Variants in KCTD3 observed in about 807,000 individuals in gnomAD.
KCTD3 encodes the protein BTB/POZ domain-containing protein KCTD3.
Under a neutral mutation model 85.8 loss-of-function variants are expected in KCTD3, and 41 were observed. The observed-to-expected ratio is 0.48, with a 90% CI of 0.37 to 0.62. KCTD3 has a LOEUF of 0.62. Among genes scored for constraint, KCTD3 ranks in the 20% least tolerant of loss-of-function variants. The probability of loss-of-function intolerance (pLI) is 0.00; values close to 1 mark genes in which losing one functional copy is unlikely to be tolerated. For missense variants in KCTD3, 724 were observed against 989.9 expected (o/e 0.73, Z 3.60); for synonymous variants, 338 against 345.4 (o/e 0.98, Z 0.24).
chr1:215,573,469 A>C (rs1282031177), intron 1 of KCTD3, among the ~76,000 whole-genome samples: 1 of 152,134 alleles, frequency 6.6e-6, no homozygotes, highest in African/African-American at 2.4e-5. Context: ...TGAATGTTAT[A>C]CTGAGAAGTT....
intron 14 of KCTD3, among the ~76,000 whole-genome samples, chr1:215,611,089 TAAAC>T (rs1655216974): frequency 1.3e-5 from 2 of 152,054 alleles, no homozygotes; most frequent in Admixed American, 6.5e-5. Flanking sequence ...GTTTAAGTTT[TAAAC>T]AAAAACTTTT....
chr1:215,595,963 C>T (rs909402168), intron 10 of KCTD3, among the ~76,000 whole-genome samples: 1 of 152,106 alleles, frequency 6.6e-6, no homozygotes, highest in South Asian at 2.1e-4. Flanking sequence ...AGAAAGATAA[C>T]AGTGGTTGCT....
In KCTD3 at chr1:215,570,340, A is replaced by G. The variant is rs1659313840; in HGVS notation, c.83+2572A>G. Among the ~76,000 whole-genome samples, 5 of 152,162 alleles carry G rather than the reference A, an allele frequency of 3.3e-5. No homozygotes were observed. The South Asian group carries it at 1.0e-3, about 32-fold the overall frequency. ...ATACTTTGTGGGTGATTCAGAAAGT[A>G]GAGTAGATGAAGTTTCATTTAGAAT... is the stretch of plus-strand genomic sequence containing the variant. On this transcript the variant is annotated intron_variant, in intron 1 of 17. Transcript: ENST00000259154.
intron 3 of KCTD3, among the ~76,000 whole-genome samples, chr1:215,575,178 G>T (rs939567351): frequency 2.0e-5 from 3 of 152,110 alleles, no homozygotes; most frequent in Non-Finnish European, 4.4e-5. Context: ...CTTGAACTTA[G>T]GAGGTGGAGG....
intron 7 of KCTD3, 145 bp from the exon 8 acceptor site, chr1:215,579,763 GC>G: frequency 1.7e-6 from 1 of 592,770 alleles, no homozygotes; most frequent in Non-Finnish European, 3.0e-6. Context: ...CTCCCAAAGT[GC>G]TGGGATTACA....
At position 215,611,828 on chromosome 1, in the gene KCTD3, C is replaced by T; in HGVS notation, c.1469C>T (p.Pro490Leu). ...ACATTTTTGTTTTCTGATCAAGGACCTTTTGGAGAGCGAGACGATCAACAG... is the reference window on the plus strand; with the variant it reads ...ACATTTTTGTTTTCTGATCAAGGACTTTTTGGAGAGCGAGACGATCAACAG... ...GSYSSGNDIG[P>L]FGERDDQQVF... The change falls in exon 15 of 18, where the codon CCT becomes CTT. Residue 490 changes from proline to leucine, a missense_variant. Pro to Leu is a moderately conservative substitution (Grantham distance 98). Coordinates refer to ENST00000259154, the MANE Select transcript of KCTD3 (RefSeq NM_016121.5). 6.3e-7 allele frequency: 1 copy of T among 1,596,218 alleles called. No individual in the cohort carries two copies. Among genetic ancestry groups the T allele is most frequent in the Non-Finnish European group, 8.6e-7 (1 of 1,169,320 alleles).
chr1:215,603,818 G>A (rs1454948242), intron 12 of KCTD3, among the ~76,000 whole-genome samples: 2 of 152,138 alleles, frequency 1.3e-5, no homozygotes, highest in African/African-American at 2.4e-5. Context: ...TGTCAATAAG[G>A]AATAGAAGTA....
Position 215,601,885 on chromosome 1 carries a change from A to G in KCTD3, c.952A>G (p.Ile318Val), listed in dbSNP as rs369942900. The change falls in exon 11 of 18, where the codon ATA (isoleucine) becomes GTA (valine). Residue 318 changes from isoleucine to valine, a missense_variant. This residue lies in a region of KCTD3 where 146 missense variants were observed against 320.3 expected (regional missense o/e 0.46). Coordinates refer to ENST00000259154, the MANE Select transcript of KCTD3 (RefSeq NM_016121.5). ...ACATCAGGTTCAAGATGTTGTTCCTATAACTAGTTATGACACTGCTGGATC... is the reference window on the plus strand; with the variant it reads ...ACATCAGGTTCAAGATGTTGTTCCTGTAACTAGTTATGACACTGCTGGATC... ...QHWQVQDVVP[I>V]TSYDTAGSFL... The G allele has an allele frequency of 6.6e-5, 104 of 1,585,848 alleles. No homozygotes were observed. The highest frequency in any genetic ancestry group is 8.1e-5 in the Non-Finnish European group (94 of 1,155,394).
intron 4 of KCTD3, among the ~76,000 whole-genome samples, chr1:215,576,505 G>A (rs1179620123): frequency 1.3e-5 from 2 of 152,070 alleles, no homozygotes; most frequent in African/African-American, 2.4e-5. Flanking sequence ...GAGGCCGGGA[G>A]TTTGAGGCTG....
At chr1:215,611,986 AT>A in intron 15 of KCTD3, 65 bp downstream of exon 15, 1 of 1,027,524 alleles carries the variant, frequency 9.7e-7, no homozygotes, top group Non-Finnish European at 1.5e-6. Context: ...AACATATGGC[AT>A]AATTTGACAT....
chr1:215,586,301 C>T (rs1423298512), intron 8 of KCTD3, among the ~76,000 whole-genome samples, 194 bp from the exon 9 acceptor site: 1 of 152,002 alleles, frequency 6.6e-6, no homozygotes, highest in East Asian at 1.9e-4. Flanking sequence ...GTATACAATA[C>T]CCCAAGGATA....
Position 215,591,645 on chromosome 1 carries a change from C to T in KCTD3, c.818-3711C>T, listed in dbSNP as rs182653384. Among the ~76,000 whole-genome samples the T allele has an allele frequency of 1.8e-3, 280 of 152,200 alleles. 3 individuals are homozygous for T. Among genetic ancestry groups the T allele is most frequent in the African/African-American group, 6.2e-3 (256 of 41,536 alleles). ...CTGGGATTACAGGCGTGAGCCACCG[C>T]GCCCGGCCAGCAGCCTTTCTTTCCT... On this transcript the variant is annotated intron_variant, in intron 9 of 17. Coordinates refer to ENST00000259154, the MANE Select transcript of KCTD3 (RefSeq NM_016121.5).
At chr1:215,597,969 A>G (rs1654671981) in intron 10 of KCTD3, among the ~76,000 whole-genome samples, 1 of 152,070 alleles carries the variant, frequency 6.6e-6, no homozygotes, top group African/African-American at 2.4e-5. Context: ...ATAGTAAGAA[A>G]TATGAGATAC....
At chr1:215,603,153 T>G (rs1351457472) in intron 12 of KCTD3, among the ~76,000 whole-genome samples, 1 of 152,172 alleles carries the variant, frequency 6.6e-6, no homozygotes, top group Non-Finnish European at 1.5e-5. Context: ...CTGTGGATTT[T>G]TTTTTTAAAT....
At chr1:215,600,269 C>CAGG (rs1276275003) in intron 10 of KCTD3, among the ~76,000 whole-genome samples, 4 of 152,190 alleles carry the variant, frequency 2.6e-5, no homozygotes, top group African/African-American at 9.7e-5. Context: ...GGATTATATA[C>CAGG]AGGAAGAGCT....
At chr1:215,580,566 T>A (rs968519286) in intron 8 of KCTD3, among the ~76,000 whole-genome samples, 2 of 148,692 alleles carry the variant, frequency 1.3e-5, no homozygotes, top group Admixed American at 6.7e-5. Flanking sequence ...TGTAGACCGG[T>A]GATTTTTTTT....
chr1:215,597,133 A>G (rs1654604582), intron 10 of KCTD3, among the ~76,000 whole-genome samples: 1 of 152,130 alleles, frequency 6.6e-6, no homozygotes. Flanking sequence ...GTTTGTATGT[A>G]ATCTTAAAAG....
At chr1:215,619,881 T>G (rs1199277940) in intron 17 of KCTD3, among the ~76,000 whole-genome samples, 176 bp from the exon 18 acceptor site, 1 of 152,192 alleles carries the variant, frequency 6.6e-6, no homozygotes, top group Non-Finnish European at 1.5e-5. Context: ...ATTGGTAATT[T>G]TATATACCAT....
At chr1:215,580,025 C>CT in intron 8 of KCTD3, 26 bp downstream of exon 8, 1 of 1,357,136 alleles carries the variant, frequency 7.4e-7, no homozygotes, top group Non-Finnish European at 1.0e-6. Context: ...TAATGCTTTG[C>CT]TTTTACAGGT....
Sources: allele counts gnomAD v4.1 joint callset (sites outside exome capture counted in the v4.1 genomes callset), GRCh38; gene constraint gnomAD v4.1.1; regional missense constraint gnomAD v4.1.1; transcripts MANE v1.5; gene names NCBI Gene and HGNC (gene_info 2026-07-23, HGNC 2026-07-21).